The following KIR3DL3 variants were observed in gnomAD, a reference collection of about 807,000 sequenced individuals.
The protein encoded by KIR3DL3 is killer cell immunoglobulin like receptor, three Ig domains and long cytoplasmic tail 3, also known as killer cell immunoglobulin-like receptor 3DL3.
A neutral mutation model predicts 34.9 loss-of-function variants in KIR3DL3; 27 were observed. The ratio of observed to expected loss-of-function variants is 0.77; its 90% CI spans 0.57 to 1.07. The LOEUF is 1.07. Ranked by LOEUF, KIR3DL3 falls within the 50% of genes least tolerant of loss-of-function variation. The pLI, the probability that KIR3DL3 is intolerant of heterozygous loss-of-function variation, is 0.00. For synonymous variants in KIR3DL3, 217 were observed against 200.2 expected, an observed-to-expected ratio of 1.08 and a Z score of -0.71; for missense variants, 681 against 528.5, an observed-to-expected ratio of 1.29 and a Z score of -2.83.
chr19:54,729,895 C>T lies in KIR3DL3; in HGVS notation c.949+109C>T, dbSNP rs1173812536. The T allele has an allele frequency of 1.0e-5, 11 of 1,048,380 alleles. No homozygotes were observed. In the East Asian group the frequency reaches 2.1e-4, roughly 20 times the overall value. 64.9% of individuals were successfully genotyped at this position (1,048,380 alleles called of 1,614,324 possible). A position where few individuals can be genotyped will look rare whatever the true frequency, so the allele number is the denominator to read the frequency against. ...TGGACAGATGCCGAGACAGAACACA[C>T]AGCATGGGTGTAAGGGCGGGGTCAG... On this transcript the variant is annotated intron_variant, in intron 5 of 7. Coordinates refer to ENST00000291860, the MANE Select transcript of KIR3DL3 (RefSeq NM_153443.5).
Position 54,724,448 on chromosome 19 carries a change from G to A in KIR3DL3, c.-49G>A, listed in dbSNP as rs2067886757. On this transcript the variant is annotated 5_prime_UTR_variant, in exon 1 of 8. Coordinates refer to ENST00000291860, the MANE Select transcript of KIR3DL3 (RefSeq NM_153443.5). ...ATGAGCCCCTCACAACATCCTGTGT[G>A]CTGCTGAACTGAGCTGGGGCGCAGC... 12 of 1,611,818 alleles carry A rather than the reference G, an allele frequency of 7.4e-6. No individual in the cohort carries two copies. The East Asian group carries it at 2.5e-4, about 33-fold the overall frequency.
chr19:54,734,784 G>A (rs2069264129), intron 5 of KIR3DL3, among the ~76,000 whole-genome samples: 1 of 145,438 alleles, frequency 6.9e-6, no homozygotes. Context: ...TCTGGCAGAA[G>A]GGAAGGAGGG....
chr19:54,725,128 TGG>T (rs2068022131), intron 1 of KIR3DL3, 117 bp from the exon 2 acceptor site: 1 of 311,830 alleles, frequency 3.2e-6, no homozygotes, highest in Non-Finnish European at 5.2e-6. Flanking sequence ...AGGACGGAGG[TGG>T]AGATATAGGC....
intron 4 of KIR3DL3, 23 bp from the exon 5 acceptor site, chr19:54,729,470 G>A: frequency 1.3e-6 from 2 of 1,551,306 alleles, no homozygotes; most frequent in Non-Finnish European, 8.7e-7. Context: ...CCTCCCTGAG[G>A]AAACCACCTC....
intron 2 of KIR3DL3, 141 bp from the exon 3 acceptor site, chr19:54,725,912 G>A: frequency 1.3e-6 from 1 of 745,850 alleles, no homozygotes; most frequent in African/African-American, 1.7e-5. Context: ...TGTCTATGCG[G>A]GATGGGTCCT....
At chr19:54,731,608 G>A (rs1265141487) in intron 5 of KIR3DL3, among the ~76,000 whole-genome samples, 18 of 152,028 alleles carry the variant, frequency 1.2e-4, no homozygotes, top group Non-Finnish European at 4.4e-5. Context: ...CTGTAACTCA[G>A]AAGTATGAAC....
intron 5 of KIR3DL3, among the ~76,000 whole-genome samples, chr19:54,734,121 T>A (rs2146864048): frequency 6.6e-6 from 1 of 151,910 alleles, no homozygotes; most frequent in African/African-American, 2.4e-5. Flanking sequence ...TCACTTTTTT[T>A]ATCTTGATTT....
At position 54,729,544 on chromosome 19, in the gene KIR3DL3, C is replaced by G. The variant is rs1468617062; in HGVS notation, c.707C>G (p.Ala236Gly). 4 of 1,606,904 alleles carry G rather than the reference C, an allele frequency of 2.5e-6. No homozygotes were observed. The African/African-American group carries it at 5.4e-5, about 22-fold the overall frequency. The change falls in exon 5 of 8, where the codon GCA (alanine) becomes GGA (glycine). Residue 236 changes from alanine to glycine, a missense_variant. Ala to Gly is a moderately conservative substitution (Grantham distance 60). Coordinates refer to ENST00000291860, the MANE Select transcript of KIR3DL3 (RefSeq NM_153443.5). ...GCCCAGCCGGGCCCCACGGTTCAGGCAGGAGAGAATGTGACCTTGTCCTGC... is the reference window on the plus strand; with the variant it reads ...GCCCAGCCGGGCCCCACGGTTCAGGGAGGAGAGAATGTGACCTTGTCCTGC... ...LSAQPGPTVQAGENVTLSCSS... is the reference protein window; with the variant it reads ...LSAQPGPTVQGGENVTLSCSS...
At chr19:54,734,258 A>T (rs2069175221) in intron 5 of KIR3DL3, among the ~76,000 whole-genome samples, 3 of 150,064 alleles carry the variant, frequency 2.0e-5, no homozygotes, top group Non-Finnish European at 4.4e-5. Context: ...GATTCTAAAC[A>T]CCTCCTGGAA....
intron 1 of KIR3DL3, among the ~76,000 whole-genome samples, chr19:54,724,745 A>C (rs1368309610): frequency 8.2e-6 from 1 of 121,844 alleles, no homozygotes; most frequent in Non-Finnish European, 1.7e-5. Context: ...CCTGGAGTAG[A>C]GATATGGGCC....
chr19:54,729,902 G>T, intron 5 of KIR3DL3, 116 bp downstream of exon 5: 3 of 914,106 alleles, frequency 3.3e-6, no homozygotes, highest in Non-Finnish European at 4.8e-6. Context: ...ACACAGCATG[G>T]GTGTAAGGGC....
chr19:54,731,400 G>A (rs1443517004), intron 5 of KIR3DL3, among the ~76,000 whole-genome samples: 1 of 151,246 alleles, frequency 6.6e-6, no homozygotes, highest in Admixed American at 6.6e-5. Context: ...TGCAACCCTG[G>A]TTGACTCAGC....
chr19:54,725,216 A>C, intron 1 of KIR3DL3, 31 bp from the exon 2 acceptor site: 1 of 1,565,776 alleles, frequency 6.4e-7, no homozygotes, highest in South Asian at 1.2e-5. Flanking sequence ...TGATGTACAG[A>C]TGGATCATCC....
At chr19:54,729,837 T>C in intron 5 of KIR3DL3, 51 bp downstream of exon 5, 10 of 1,534,474 alleles carry the variant, frequency 6.5e-6, no homozygotes, top group South Asian at 4.9e-5. Context: ...GAGCCATAGC[T>C]GAGGAGCTTC....
rs1411604373 is a variant in KIR3DL3 at position 54,726,352 on chromosome 19, G to C, written c.355+15G>C. On this transcript the variant is annotated intron_variant, in intron 3 of 7. Coordinates refer to ENST00000291860, the MANE Select transcript of KIR3DL3 (RefSeq NM_153443.5). ...CATGGTCACAGGTCAGAGGCTTTCT[G>C]TCTGGGCTTCTCACTGTCCCACCTC... The C allele has an allele frequency of 6.2e-6, 10 of 1,609,690 alleles. No individual in the cohort carries two copies. Among genetic ancestry groups the C allele is most frequent in the African/African-American group, 5.4e-5 (4 of 74,508 alleles).
Position 54,735,247 on chromosome 19 carries a change from C to G in KIR3DL3, c.950-6C>G. The G allele has an allele frequency of 6.7e-7, 1 of 1,482,878 alleles. No homozygotes were observed. The highest frequency in any genetic ancestry group is 9.3e-7 in the Non-Finnish European group (1 of 1,072,594). 91.9% of individuals were successfully genotyped at this position (1,482,878 alleles called of 1,614,324 possible). Reference sequence around the variant, plus strand: ...AGCTTCTTATTGGTGTCTTGTCTTCCTCCAGGTAACTCCAGAAACCTGCAC... The same window carrying G: ...AGCTTCTTATTGGTGTCTTGTCTTCGTCCAGGTAACTCCAGAAACCTGCAC... On this transcript the variant is annotated splice_polypyrimidine_tract_variant and splice_region_variant and intron_variant, in intron 5 of 7. Transcript: ENST00000291860.
chr19:54,734,099 G>C (rs2069146249), intron 5 of KIR3DL3, among the ~76,000 whole-genome samples: 2 of 152,102 alleles, frequency 1.3e-5, no homozygotes, highest in East Asian at 1.9e-4. Context: ...TTTGATTTAA[G>C]TCAGTTCTAC....
chr19:54,725,597 G>C (rs374283119), intron 2 of KIR3DL3, among the ~76,000 whole-genome samples: 82 of 152,246 alleles, frequency 5.4e-4, no homozygotes, highest in Middle Eastern at 6.8e-3. Flanking sequence ...GGAACAACAG[G>C]CCTCTGAGGA....
At chr19:54,729,350 C>A in intron 4 of KIR3DL3, 143 bp from the exon 5 acceptor site, 1 of 971,316 alleles carries the variant, frequency 1.0e-6, no homozygotes. Flanking sequence ...AGGAAATAGA[C>A]ATGAAGAGAG....
Sources: allele counts gnomAD v4.1 joint callset (sites outside exome capture counted in the v4.1 genomes callset), GRCh38; gene constraint gnomAD v4.1.1; transcripts MANE v1.5; gene names NCBI Gene and HGNC (gene_info 2026-07-23, HGNC 2026-07-21).